TEF: variants seen among roughly 807,000 people sequenced by gnomAD.
TEF encodes the protein thyrotroph embryonic factor.
TEF carries 3 observed loss-of-function variants against 20.8 expected under a neutral mutation model. The ratio of observed to expected loss-of-function variants is 0.14; its 90% CI spans 0.07 to 0.37. The LOEUF (loss-of-function observed/expected upper bound fraction) is 0.37, where lower values mean the gene tolerates loss of function less well. TEF is among the 10% of genes least tolerant of loss of function. The probability of loss-of-function intolerance (pLI) is 1.00; values close to 1 mark genes in which losing one functional copy is unlikely to be tolerated. For synonymous variants in TEF, 180 were observed against 171.1 expected (o/e 1.05, Z -0.41); for missense variants, 296 against 397.9 (o/e 0.74, Z 2.18).
rs1279506580 is a variant in TEF, at chr22:41,397,282, A to G, written c.*1322A>G. The G allele has an allele frequency of 5.0e-6, 2 of 396,612 alleles. No homozygotes were observed. The highest frequency in any genetic ancestry group is 4.4e-5 in the Admixed American group (1 of 22,674). The allele number at this position is 396,612 out of a possible 1,614,324, so 24.6% of individuals were successfully genotyped here. ...ACAGCTGTGGTCTCCCCTGCCTCAC[A>G]ACGACTCCTTTCTCTTGTGTGGCGG... On this transcript the variant is annotated 3_prime_UTR_variant, in exon 4 of 4. Transcript: ENST00000266304.
At chr22:41,377,023 G>C (rs760341209), upstream of TEF, among the ~76,000 whole-genome samples, 1 of 152,078 alleles carries the variant, frequency 6.6e-6, no homozygotes, top group African/African-American at 2.4e-5. Flanking sequence ...TTGGAGACAG[G>C]GTCTCTCTCT....
chr22:41,380,340 G>A (rs2037001028), upstream of TEF, among the ~76,000 whole-genome samples: 2 of 152,096 alleles, frequency 1.3e-5, no homozygotes, highest in African/African-American at 4.8e-5. Flanking sequence ...ACTTACAGTA[G>A]TGTCGGAGTT....
intron 1 of TEF, among the ~76,000 whole-genome samples, chr22:41,374,551 CAA>C (rs778761708): frequency 6.1e-5 from 8 of 131,032 alleles, no homozygotes; most frequent in East Asian, 2.2e-4. Flanking sequence ...GACTCTGTCT[CAA>C]AAAAAAAAAA....
At chr22:41,378,160 G>A (rs1436405002), upstream of TEF, among the ~76,000 whole-genome samples, 1 of 100,506 alleles carries the variant, frequency 9.9e-6, no homozygotes, top group Non-Finnish European at 2.1e-5. Context: ...AGCTTCCTTA[G>A]CTTCCTTTTT....
At position 41,369,813 on chromosome 22, in the gene TEF, G is replaced by C. The variant is rs539199328; in HGVS notation, c.67+2214G>C. 7 of 779,558 alleles carry C rather than the reference G, an allele frequency of 9.0e-6. No homozygotes were observed. In the African/African-American group the frequency reaches 1.3e-4, roughly 15 times the overall value. 48.3% of individuals were successfully genotyped at this position (779,558 alleles called of 1,614,324 possible). A position where few individuals can be genotyped will look rare whatever the true frequency, so the allele number is the denominator to read the frequency against. The stretch of plus-strand genomic sequence containing the variant: ...AAGACAACAGAGGCCAGGTGCTCCA[G>C]AAAACAGGGATGCCCTCAGGTCCGC... On this transcript the variant is annotated intron_variant, in intron 1 of 3. Coordinates refer to the TEF transcript ENST00000406644.
At chr22:41,372,336 G>A (rs957105316) in intron 1 of TEF, among the ~76,000 whole-genome samples, 2 of 152,010 alleles carry the variant, frequency 1.3e-5, no homozygotes, top group African/African-American at 2.4e-5. Context: ...ACGGCATGTC[G>A]AGGAGTGATC....
chr22:41,374,521 C>T (rs1177734829), intron 1 of TEF, among the ~76,000 whole-genome samples: 1 of 150,806 alleles, frequency 6.6e-6, no homozygotes, highest in East Asian at 1.9e-4. Flanking sequence ...CACTGCACTC[C>T]AGCCTGGACA....
At chr22:41,381,891 C>T (rs2037029765), upstream of TEF, 1 of 1,225,844 alleles carries the variant, frequency 8.2e-7, no homozygotes, top group African/African-American at 1.6e-5. Context: ...CAGAGCCGGT[C>T]CGCAGGCGGG....
chr22:41,393,159 A>G (rs1489706724), intron 2 of TEF, among the ~76,000 whole-genome samples: 2 of 150,198 alleles, frequency 1.3e-5, no homozygotes, highest in African/African-American at 2.5e-5. Context: ...CTGGCAACAT[A>G]ATGAAACCCT....
In TEF at chr22:41,396,277, C is replaced by T. The variant is rs1453342495; in HGVS notation, c.*317C>T. The T allele has an allele frequency of 3.1e-5, 9 of 293,604 alleles. No homozygotes were observed. The highest frequency in any genetic ancestry group is 9.3e-5 in the Admixed American group (2 of 21,570). The allele number at this position is 293,604 out of a possible 1,614,324, so 18.2% of individuals were successfully genotyped here. Reference sequence around the variant, plus strand: ...CTGGAGTACACACCTCTCTCCTGGGCGCTCAGGGTCCCTGGACTCTCCCTC... The same window carrying T: ...CTGGAGTACACACCTCTCTCCTGGGTGCTCAGGGTCCCTGGACTCTCCCTC... On this transcript the variant is annotated 3_prime_UTR_variant, in exon 4 of 4. Coordinates refer to ENST00000266304, the MANE Select transcript of TEF (RefSeq NM_003216.4).
intron 1 of TEF, chr22:41,382,959 G>T (rs1398507789): frequency 2.1e-6 from 1 of 471,124 alleles, no homozygotes; most frequent in Admixed American, 2.3e-5. Context: ...CCTAGGCCAG[G>T]AACGTCACTG....
upstream of TEF, among the ~76,000 whole-genome samples, chr22:41,380,715 T>TAAA (rs1339075708): frequency 6.6e-6 from 1 of 152,162 alleles, no homozygotes; most frequent in Non-Finnish European, 1.5e-5. Context: ...TTCTGAGCGC[T>TAAA]GTTTAGGAGC....
rs529603882 is a variant in TEF, at chr22:41,373,051, G to A, written c.67+5452G>A. Among the ~76,000 whole-genome samples, 72 of 152,268 alleles carry A rather than the reference G, an allele frequency of 4.7e-4. 3 individuals carry two copies. The South Asian group carries it at 0.013, about 27-fold the overall frequency. On this transcript the variant is annotated intron_variant, in intron 1 of 3. Coordinates refer to the TEF transcript ENST00000406644. ...TTTGACGGTCATAAAGAGGAGTGAC[G>A]CTCTCATCTCCCTGTCTGTAAGGAC...
chr22:41,384,411 G>A (rs1042144988), intron 1 of TEF, among the ~76,000 whole-genome samples: 5 of 151,990 alleles, frequency 3.3e-5, no homozygotes, highest in African/African-American at 9.7e-5. Context: ...TAATTGATTA[G>A]TTTTCCTTTG....
chr22:41,396,918 A>G lies in TEF; in HGVS notation c.*958A>G. 5.0e-6 allele frequency: 2 copies of G among 398,530 alleles called. No homozygotes were observed. The highest frequency in any genetic ancestry group is 2.1e-5 in the African/African-American group (1 of 48,696). 24.7% of individuals were successfully genotyped at this position (398,530 alleles called of 1,614,324 possible). On this transcript the variant is annotated 3_prime_UTR_variant, in exon 4 of 4. Coordinates refer to ENST00000266304, the MANE Select transcript of TEF (RefSeq NM_003216.4). The stretch of plus-strand genomic sequence containing the variant: ...TCACCTTCCTAGTGGTGTTTAGAAA[A>G]TGCCTCCACAGCCCCCTTCCACCAT...
intron 2 of TEF, among the ~76,000 whole-genome samples, chr22:41,393,824 G>T (rs1179782332): frequency 2.6e-4 from 39 of 152,194 alleles, no homozygotes; most frequent in Non-Finnish European, 2.9e-5. Flanking sequence ...TTCTGGAGGG[G>T]GTGGAAACAA....
intron 2 of TEF, among the ~76,000 whole-genome samples, chr22:41,392,703 G>A (rs999051701): frequency 6.2e-5 from 9 of 144,646 alleles, no homozygotes; most frequent in Non-Finnish European, 7.6e-5. Flanking sequence ...AAGACTAAGT[G>A]ACTAGATGGC....
At chr22:41,391,433 C>T (rs562881591) in intron 2 of TEF, among the ~76,000 whole-genome samples, 42 of 151,692 alleles carry the variant, frequency 2.8e-4, no homozygotes, top group Non-Finnish European at 4.9e-4. Context: ...TCAAGCGAGT[C>T]TCCTGCCTCA....
At chr22:41,369,465 T>C (rs907349596) in intron 1 of TEF, among the ~76,000 whole-genome samples, 7 of 151,768 alleles carry the variant, frequency 4.6e-5, no homozygotes, top group Non-Finnish European at 1.0e-4. Flanking sequence ...AAGCATGAGG[T>C]CCCACAGGAC....
Sources: allele counts gnomAD v4.1 joint callset (sites outside exome capture counted in the v4.1 genomes callset), GRCh38; gene constraint gnomAD v4.1.1; transcripts MANE v1.5; gene names NCBI Gene and HGNC (gene_info 2026-07-23, HGNC 2026-07-21).